ARHGAP15: variants seen among roughly 807,000 people sequenced by gnomAD.
ARHGAP15 encodes the protein Rho GTPase activating protein 15, also known as rho GTPase-activating protein 15.
Under a neutral mutation model 63.7 loss-of-function variants are expected in ARHGAP15, and 51 were observed. The observed-to-expected ratio is 0.80, with a 90% CI of 0.64 to 1.01. The LOEUF (loss-of-function observed/expected upper bound fraction) is 1.01. Ranked by LOEUF, ARHGAP15 falls within the 50% of genes least tolerant of loss-of-function variation. The pLI, the probability that ARHGAP15 is intolerant of heterozygous loss-of-function variation, is 0.00. For synonymous variants in ARHGAP15, 191 were observed against 193.8 expected, an observed-to-expected ratio of 0.99 and a Z score of 0.12; for missense variants, 560 against 564.6, an observed-to-expected ratio of 0.99 and a Z score of 0.08.
intron 6 of ARHGAP15, among the ~76,000 whole-genome samples, chr2:143,319,078 C>T (rs980035152): frequency 6.6e-6 from 1 of 152,034 alleles, no homozygotes; most frequent in African/African-American, 2.4e-5. Flanking sequence ...TCATTTTAGC[C>T]ATCTGTCTCC....
At chr2:143,195,665 A>G (rs941771585) in intron 2 of ARHGAP15, among the ~76,000 whole-genome samples, 1 of 152,178 alleles carries the variant, frequency 6.6e-6, no homozygotes, top group Non-Finnish European at 1.5e-5. Context: ...GCTGCTTTTC[A>G]TCCAAGTATC....
At chr2:143,330,094 C>CAAAAAAA (rs1303438123) in intron 6 of ARHGAP15, among the ~76,000 whole-genome samples, 11 of 1,662 alleles carry the variant, frequency 6.6e-3, no homozygotes, top group Non-Finnish European at 9.8e-3. Context: ...GGCTCTGTCT[C>CAAAAAAA]AAAAAAAAAA....
intron 2 of ARHGAP15, among the ~76,000 whole-genome samples, chr2:143,156,331 A>G (rs969282915): frequency 6.6e-6 from 1 of 151,870 alleles, no homozygotes; most frequent in Non-Finnish European, 1.5e-5. Flanking sequence ...TTCTTCCATA[A>G]TGGTGGTAAC....
chr2:143,429,708 G>A (rs1009665653), intron 6 of ARHGAP15, among the ~76,000 whole-genome samples: 2 of 152,078 alleles, frequency 1.3e-5, no homozygotes, highest in African/African-American at 2.4e-5. Flanking sequence ...TGGTGGCCTG[G>A]CTTATTTAGT....
At chr2:143,420,392 G>A (rs1321687993) in intron 6 of ARHGAP15, among the ~76,000 whole-genome samples, 7 of 152,118 alleles carry the variant, frequency 4.6e-5, no homozygotes, top group Admixed American at 1.3e-4. Context: ...TGAGATAGCT[G>A]GGGGAATTGT....
At chr2:143,372,968 C>A (rs1189022409) in intron 6 of ARHGAP15, among the ~76,000 whole-genome samples, 1 of 139,410 alleles carries the variant, frequency 7.2e-6, no homozygotes, top group Non-Finnish European at 1.5e-5. Context: ...TAAATGTTAA[C>A]CATCCTCTCT....
intron 2 of ARHGAP15, among the ~76,000 whole-genome samples, chr2:143,161,541 T>G (rs1690297678): frequency 6.6e-6 from 1 of 151,942 alleles, no homozygotes; most frequent in Non-Finnish European, 1.5e-5. Flanking sequence ...TTCAGCTGAG[T>G]ACTGCGTGCC....
At chr2:143,559,135 A>T (rs934065423) in intron 11 of ARHGAP15, among the ~76,000 whole-genome samples, 1 of 152,184 alleles carries the variant, frequency 6.6e-6, no homozygotes, top group Non-Finnish European at 1.5e-5. Flanking sequence ...CCTGATTGGG[A>T]TTCTAGACAG....
chr2:143,193,984 G>A (rs1691778405), intron 2 of ARHGAP15, among the ~76,000 whole-genome samples: 1 of 152,182 alleles, frequency 6.6e-6, no homozygotes, highest in South Asian at 2.1e-4. Flanking sequence ...TTTTATTTGA[G>A]ACTGAAAATA....
intron 2 of ARHGAP15, among the ~76,000 whole-genome samples, chr2:143,187,062 C>T (rs985900333): frequency 6.6e-6 from 1 of 152,082 alleles, no homozygotes; most frequent in Non-Finnish European, 1.5e-5. Flanking sequence ...TGGCCCCTCA[C>T]CCGCTAATAA....
intron 1 of ARHGAP15, among the ~76,000 whole-genome samples, chr2:143,141,715 GC>G (rs1244102403): frequency 6.6e-6 from 1 of 152,136 alleles, no homozygotes; most frequent in African/African-American, 2.4e-5. Context: ...AAATGCAAAT[GC>G]AAATGCAGTC....
chr2:143,171,916 A>G (rs1434557656), intron 2 of ARHGAP15: 1 of 152,122 alleles, frequency 6.6e-6, no homozygotes, highest in Non-Finnish European at 1.5e-5. Flanking sequence ...GGCTAAACAC[A>G]TTATCAAAGA....
chr2:143,328,310 G>T (rs962780422), intron 6 of ARHGAP15, among the ~76,000 whole-genome samples: 6 of 152,086 alleles, frequency 3.9e-5, no homozygotes, highest in African/African-American at 1.4e-4. Context: ...TCGCAGCACT[G>T]TTCATGATAG....
chr2:143,567,863 T>C (rs532820873), intron 11 of ARHGAP15, among the ~76,000 whole-genome samples: 7 of 152,240 alleles, frequency 4.6e-5, no homozygotes, highest in African/African-American at 1.4e-4. Flanking sequence ...TTGCTATGGC[T>C]TCAGTGAAGT....
At chr2:143,338,697 C>A (rs1364630661) in intron 6 of ARHGAP15, among the ~76,000 whole-genome samples, 1 of 151,968 alleles carries the variant, frequency 6.6e-6, no homozygotes, top group Non-Finnish European at 1.5e-5. Context: ...TCAACCAAAC[C>A]AAAACTTCAC....
At chr2:143,151,526 T>C (rs1358760612) in intron 1 of ARHGAP15, among the ~76,000 whole-genome samples, 1 of 151,998 alleles carries the variant, frequency 6.6e-6, no homozygotes, top group Non-Finnish European at 1.5e-5. Flanking sequence ...CTGACTGATA[T>C]AACATTGTGT....
intron 8 of ARHGAP15, among the ~76,000 whole-genome samples, chr2:143,439,277 G>A (rs1382485072): frequency 1.3e-5 from 2 of 151,582 alleles, no homozygotes; most frequent in South Asian, 4.2e-4. Context: ...ACAAAAATTA[G>A]CCGGGCATGG....
chr2:143,696,017 CAAG>C (rs1356508287), intron 12 of ARHGAP15, among the ~76,000 whole-genome samples: 4 of 152,100 alleles, frequency 2.6e-5, no homozygotes, highest in Admixed American at 2.0e-4. Flanking sequence ...GTGAATGTAT[CAAG>C]AAGTTAAGCA....
chr2:143,461,713 C>A (rs1690949099), intron 8 of ARHGAP15, among the ~76,000 whole-genome samples: 1 of 152,160 alleles, frequency 6.6e-6, no homozygotes, highest in East Asian at 1.9e-4. Flanking sequence ...ATATCCTTGA[C>A]TGTAAAGAAA....
Sources: allele counts gnomAD v4.1 joint callset (sites outside exome capture counted in the v4.1 genomes callset), GRCh38; gene constraint gnomAD v4.1.1; transcripts MANE v1.5; gene names NCBI Gene and HGNC (gene_info 2026-07-23, HGNC 2026-07-21).